ARPC4: variants seen among roughly 807,000 people sequenced by gnomAD.
ARPC4 encodes the protein actin related protein 2/3 complex subunit 4.
Under a neutral mutation model 22.8 loss-of-function variants are expected in ARPC4, and 3 were observed. The observed-to-expected ratio is 0.13, with a 90% CI of 0.06 to 0.34. The LOEUF is 0.34. ARPC4 is among the 10% of genes least tolerant of loss of function. The probability of loss-of-function intolerance (pLI) is 1.00; values close to 1 mark genes in which losing one functional copy is unlikely to be tolerated. For synonymous variants in ARPC4, 80 were observed against 72.5 expected (o/e 1.10, Z -0.52); for missense variants, 98 against 211.0 (o/e 0.46, Z 3.32).
upstream of ARPC4, chr3:9,793,063 A>C: frequency 8.4e-6 from 13 of 1,545,146 alleles, no homozygotes; most frequent in Non-Finnish European, 1.1e-5. Context: ...GCGAAAGGGC[A>C]GGCATCGCGG....
rs746951182 is a variant in ARPC4, at chr3:9,793,214, G to A, written c.3+90G>A. 29 of 1,489,192 alleles carry A rather than the reference G, an allele frequency of 1.9e-5. No homozygotes were observed. In the South Asian group the frequency reaches 3.0e-4, roughly 16 times the overall value. 92.2% of individuals were successfully genotyped at this position (1,489,192 alleles called of 1,614,324 possible). A position where few individuals can be genotyped will look rare whatever the true frequency, so the allele number is the denominator to read the frequency against. On this transcript the variant is annotated intron_variant, in intron 1 of 5. Transcript: ENST00000397261. Reference sequence around the variant, plus strand: ...GGAGATGTGGCTTTGCCGCAGGGGCGCGGGGCCGAGGGATGTCCGGGGGTT... The same window carrying A: ...GGAGATGTGGCTTTGCCGCAGGGGCACGGGGCCGAGGGATGTCCGGGGGTT...
At chr3:9,802,730 A>G (rs2079038624) in intron 4 of ARPC4, among the ~76,000 whole-genome samples, 1 of 143,054 alleles carries the variant, frequency 7.0e-6, no homozygotes, top group Non-Finnish European at 1.5e-5. Context: ...GCTGGAGTGC[A>G]GTGGCGCAGT....
intron 2 of ARPC4, 103 bp from the exon 3 acceptor site, chr3:9,800,082 C>T: frequency 8.6e-7 from 1 of 1,156,184 alleles, no homozygotes; most frequent in Middle Eastern, 1.9e-4. Context: ...GTCTTCTATT[C>T]CTTGGACTCT....
chr3:9,803,454 T>G, intron 4 of ARPC4: 1 of 459,436 alleles, frequency 2.2e-6, no homozygotes, highest in Admixed American at 2.3e-5. Context: ...CCCACAGCCC[T>G]CCAGCAGAAA....
Position 9,797,775 on chromosome 3 carries a change from C to T in ARPC4, c.120C>T (p.Val40=), listed in dbSNP as rs1352942520. ...GACACAACAAGCCGGAAGTGGAAGTCAGGTAGGGAAGGACAAGTCAAGGTG... is the reference window on the plus strand; with the variant it reads ...GACACAACAAGCCGGAAGTGGAAGTTAGGTAGGGAAGGACAAGTCAAGGTG... ...VERHNKPEVE[V]RSSKELLLQP... The change falls in exon 2 of 6, where the codon GTC becomes GTT. Residue 40 remains valine, a splice_region_variant and synonymous_variant. Coordinates refer to ENST00000397261, the MANE Select transcript of ARPC4 (RefSeq NM_005718.5). 1 of 1,613,618 alleles carries T rather than the reference C, an allele frequency of 6.2e-7. No homozygotes were observed. The highest frequency in any genetic ancestry group is 8.5e-7 in the Non-Finnish European group (1 of 1,179,902).
At chr3:9,792,761 G>C (rs1424795228), upstream of ARPC4, 4 of 1,245,178 alleles carry the variant, frequency 3.2e-6, no homozygotes, top group East Asian at 1.3e-4. Flanking sequence ...CGAAGGGCTC[G>C]TCCGCTTCGG....
intron 2 of ARPC4, 32 bp downstream of exon 2, chr3:9,797,809 G>C (rs2078927007): frequency 6.2e-7 from 1 of 1,605,632 alleles, no homozygotes; most frequent in African/African-American, 1.3e-5. Flanking sequence ...TGGGGATGAG[G>C]GGTGCAGCAC....
chr3:9,801,784 G>A (rs370621343), intron 4 of ARPC4, 28 bp downstream of exon 4: 32 of 1,570,940 alleles, frequency 2.0e-5, no homozygotes, highest in Middle Eastern at 1.7e-4. Context: ...ATGAGTTTGC[G>A]ATACCCAGGA....
At chr3:9,792,729 G>T (rs527257995), upstream of ARPC4, 1,063 of 1,236,800 alleles carry the variant, frequency 8.6e-4, no homozygotes, top group Non-Finnish European at 1.0e-3. Context: ...GAGAAAGGAT[G>T]GGGGTACAGA....
At chr3:9,803,110 C>T (rs2079047346) in intron 4 of ARPC4, among the ~76,000 whole-genome samples, 1 of 151,822 alleles carries the variant, frequency 6.6e-6, no homozygotes, top group African/African-American at 2.4e-5. Context: ...GTCTTGATCT[C>T]CTGACCTTGT....
At chr3:9,803,610 A>G (rs1487250790) in intron 4 of ARPC4, 5 of 675,214 alleles carry the variant, frequency 7.4e-6, no homozygotes, top group Non-Finnish European at 1.4e-5. Context: ...ATAGTTTTCC[A>G]GAGATGTCTG....
At chr3:9,793,269 G>C in intron 1 of ARPC4, 145 bp downstream of exon 1, 2 of 1,384,812 alleles carry the variant, frequency 1.4e-6, no homozygotes, top group Non-Finnish European at 9.5e-7. Flanking sequence ...GGGAAAAAGA[G>C]ACGGGGCGGG....
chr3:9,798,120 CTTTTTT>C (rs397964258), intron 2 of ARPC4: 3 of 115,792 alleles, frequency 2.6e-5, no homozygotes, highest in East Asian at 2.3e-4. Context: ...CCATACTTTT[CTTTTTT>C]TTTTTTTTTT....
At position 9,801,673 on chromosome 3, in the gene ARPC4, G is replaced by A; in HGVS notation, c.247G>A (p.Glu83Lys). 2 of 1,608,442 alleles carry A rather than the reference G, an allele frequency of 1.2e-6. No homozygotes were observed. Among genetic ancestry groups the A allele is most frequent in the Non-Finnish European group, 1.7e-6 (2 of 1,176,820 alleles). ...SIAVKQADEI[E>K]KILCHKFMRF... The stretch of plus-strand genomic sequence containing the variant: ...TTGCACTCCCCAGGCTGATGAGATC[G>A]AGAAGATTTTGTGCCACAAGTTCAT... Residue 83 changes from glutamate to lysine, a missense_variant, in exon 4 of 6, where the codon GAG becomes AAG. Transcript: ENST00000397261.
chr3:9,794,034 G>C (rs1469549663), intron 1 of ARPC4, among the ~76,000 whole-genome samples: 2 of 152,038 alleles, frequency 1.3e-5, no homozygotes, highest in East Asian at 1.9e-4. Flanking sequence ...GCAAACTTTT[G>C]TGACCTCATG....
At chr3:9,803,440 T>C (rs2079053461) in intron 4 of ARPC4, 3 of 455,276 alleles carry the variant, frequency 6.6e-6, no homozygotes, top group Middle Eastern at 6.5e-4. Flanking sequence ...AAATTGATCT[T>C]CCTCCCACAG....
intron 2 of ARPC4, 148 bp from the exon 3 acceptor site, chr3:9,800,037 C>A: frequency 1.3e-6 from 1 of 760,582 alleles, no homozygotes; most frequent in Non-Finnish European, 2.2e-6. Flanking sequence ...AGAACACACT[C>A]ACTGGCCCCC....
At chr3:9,800,372 T>A (rs569015319) in intron 3 of ARPC4, 76 bp downstream of exon 3, 1 of 1,400,102 alleles carries the variant, frequency 7.1e-7, no homozygotes, top group African/African-American at 1.4e-5. Flanking sequence ...GGGGTCCCCA[T>A]CTGAGAGATC....
At chr3:9,795,067 G>A (rs144819103) in intron 1 of ARPC4, among the ~76,000 whole-genome samples, 6 of 152,124 alleles carry the variant, frequency 3.9e-5, no homozygotes, top group East Asian at 3.9e-4. Flanking sequence ...GCACAGTGGC[G>A]TGATCTCGGC....
Sources: allele counts gnomAD v4.1 joint callset (sites outside exome capture counted in the v4.1 genomes callset), GRCh38; gene constraint gnomAD v4.1.1; transcripts MANE v1.5; gene names NCBI Gene and HGNC (gene_info 2026-07-23, HGNC 2026-07-21).